CSTPP1: variants seen among roughly 807,000 people sequenced by gnomAD.
CSTPP1 encodes UPF0705 protein C11orf49.
the CSTPP1 span, among the ~76,000 whole-genome samples, chr11:47,116,930 C>T: frequency 3.9e-5 from 6 of 152,134 alleles, no homozygotes; most frequent in Admixed American, 3.9e-4. Flanking sequence ...ATCTGCCCAC[C>T]TCAGCCTCCC....
At chr11:47,148,152 C>T in the CSTPP1 span, among the ~76,000 whole-genome samples, 6 of 152,180 alleles carry the variant, frequency 3.9e-5, no homozygotes, top group African/African-American at 1.2e-4. Flanking sequence ...ACCTTCATAG[C>T]GGCCTTTTTC....
At chr11:47,008,192 C>T in the CSTPP1 span, among the ~76,000 whole-genome samples, 2 of 152,136 alleles carry the variant, frequency 1.3e-5, no homozygotes, top group African/African-American at 4.8e-5. Context: ...GTCTCGAACT[C>T]CTGACCTGGT....
chr11:46,944,326 A>G, the CSTPP1 span, among the ~76,000 whole-genome samples: 1 of 151,998 alleles, frequency 6.6e-6, no homozygotes, highest in South Asian at 2.1e-4. Context: ...TCAAAAAAAA[A>G]AAAAAAAAAA....
the CSTPP1 span, chr11:47,138,026 C>T: frequency 7.0e-6 from 3 of 428,504 alleles, no homozygotes; most frequent in Non-Finnish European, 1.2e-5. Flanking sequence ...CACACACACA[C>T]CCTAGAGGAT....
the CSTPP1 span, among the ~76,000 whole-genome samples, chr11:47,022,858 C>T: frequency 1.3e-5 from 2 of 152,162 alleles, no homozygotes; most frequent in Non-Finnish European, 2.9e-5. Flanking sequence ...ACACATTTAA[C>T]CTTTGGCAAC....
At chr11:46,995,488 A>G in the CSTPP1 span, among the ~76,000 whole-genome samples, 1 of 152,104 alleles carries the variant, frequency 6.6e-6, no homozygotes. Context: ...CTTTGTTCTC[A>G]TTGGTTTCAA....
chr11:47,138,739 A>G, the CSTPP1 span, among the ~76,000 whole-genome samples: 1 of 152,142 alleles, frequency 6.6e-6, no homozygotes, highest in Non-Finnish European at 1.5e-5. Flanking sequence ...GCAGTTTGGG[A>G]GGCCAAGGCA....
the CSTPP1 span, among the ~76,000 whole-genome samples, chr11:47,007,947 G>T: frequency 6.6e-6 from 1 of 151,908 alleles, no homozygotes; most frequent in Admixed American, 6.6e-5. Context: ...CCCCAACGTG[G>T]GTGGGTCCTG....
chr11:47,159,497 A>G, the CSTPP1 span: 1 of 401,146 alleles, frequency 2.5e-6, no homozygotes, highest in Non-Finnish European at 4.9e-6. Flanking sequence ...GCGACAGAGC[A>G]AGACAGTCTC....
the CSTPP1 span, among the ~76,000 whole-genome samples, chr11:47,120,895 C>T: frequency 2.6e-5 from 4 of 152,130 alleles, no homozygotes; most frequent in Non-Finnish European, 4.4e-5. This position sits in a 1 kb window ranked among gnomAD's most constrained non-coding sequence, Gnocchi z 4.2. Flanking sequence ...CATCCAAAGA[C>T]GCAGAAGAGT....
chr11:47,100,306 A>T, the CSTPP1 span, among the ~76,000 whole-genome samples: 1 of 152,184 alleles, frequency 6.6e-6, no homozygotes, highest in African/African-American at 2.4e-5. Flanking sequence ...AGCTAAATGT[A>T]TATACTTTTA....
chr11:47,057,116 A>G, the CSTPP1 span, among the ~76,000 whole-genome samples: 1 of 152,222 alleles, frequency 6.6e-6, no homozygotes, highest in Non-Finnish European at 1.5e-5. Flanking sequence ...CAAATTTTAG[A>G]TAATCTCATG....
the CSTPP1 span, among the ~76,000 whole-genome samples, chr11:46,941,743 A>C: frequency 6.6e-6 from 1 of 152,176 alleles, no homozygotes; most frequent in African/African-American, 2.4e-5. Flanking sequence ...TGATTTTTCC[A>C]TTTGTTTTTA....
At chr11:47,092,506 G>A in the CSTPP1 span, among the ~76,000 whole-genome samples, 1 of 152,146 alleles carries the variant, frequency 6.6e-6, no homozygotes, top group African/African-American at 2.4e-5. Flanking sequence ...TTCACCAAAT[G>A]CTAACTAATA....
At chr11:47,134,226 C>G in the CSTPP1 span, among the ~76,000 whole-genome samples, 1 of 151,922 alleles carries the variant, frequency 6.6e-6, no homozygotes, top group African/African-American at 2.4e-5. Flanking sequence ...GGGAAGGAGT[C>G]TCACTCTGTC....
chr11:47,013,318 A>T, the CSTPP1 span, among the ~76,000 whole-genome samples: 3 of 151,964 alleles, frequency 2.0e-5, no homozygotes, highest in Admixed American at 1.3e-4. Context: ...CATGTGTGCC[A>T]TGGTGATTTG....
At chr11:47,135,063 A>C in the CSTPP1 span, among the ~76,000 whole-genome samples, 20 of 152,054 alleles carry the variant, frequency 1.3e-4, no homozygotes, top group Non-Finnish European at 2.2e-4. Flanking sequence ...GAGCTATGCC[A>C]CTGCACTCCA....
the CSTPP1 span, among the ~76,000 whole-genome samples, chr11:47,038,673 C>G: frequency 1.6e-5 from 2 of 122,220 alleles, no homozygotes; most frequent in Admixed American, 8.5e-5. Context: ...GCTGGCCGGG[C>G]GGGGGGCTGA....
the CSTPP1 span, among the ~76,000 whole-genome samples, chr11:47,141,107 C>G: frequency 6.6e-6 from 1 of 152,130 alleles, no homozygotes; most frequent in Non-Finnish European, 1.5e-5. Flanking sequence ...GGATACAATT[C>G]ACATACCATA....
Sources: allele counts gnomAD v4.1 joint callset (sites outside exome capture counted in the v4.1 genomes callset), GRCh38; gene constraint gnomAD v4.1.1; non-coding constraint Gnocchi (gnomAD v3.1); transcripts MANE v1.5; gene names NCBI Gene and HGNC (gene_info 2026-07-23, HGNC 2026-07-21).